The following PKHD1 variants were observed in gnomAD, a reference collection of about 807,000 sequenced individuals.
The protein encoded by PKHD1 is PKHD1 ciliary IPT domain containing fibrocystin/polyductin.
A neutral mutation model predicts 412.0 loss-of-function variants in PKHD1; 291 were observed. The ratio of observed to expected loss-of-function variants is 0.71; its 90% confidence interval spans 0.64 to 0.78. PKHD1 has a LOEUF of 0.78. PKHD1 is among the 30% of genes least tolerant of loss of function. The pLI is 0.00. For missense variants in PKHD1, 4,825 were observed against 4,950.7 expected (o/e 0.97, Z 0.76); for synonymous variants, 1,777 against 1,821.5 (o/e 0.98, Z 0.62).
rs748895723 is a variant in PKHD1, at chr6:51,856,054, C to T, written c.7750G>A (p.Val2584Ile). 5.6e-6 allele frequency: 9 copies of T among 1,601,750 alleles called. No homozygotes were observed. The highest frequency in any genetic ancestry group is 1.7e-5 in the Admixed American group (1 of 59,992). The change falls in exon 49 of 67, where the codon GTT (valine) becomes ATT (isoleucine). Residue 2584 changes from valine (V) to isoleucine (I), a missense_variant. Val to Ile is a conservative substitution (Grantham distance 29). Coordinates refer to ENST00000371117, the MANE Select transcript of PKHD1 (RefSeq NM_138694.4). ...TCAGTCATGGTTAAATCATAAGAAA[C>T]TTCAGGAGTATTCGCTCTAAGGTGA... ...MSIGLANTPEVSYDLTMTDSR... is the reference protein window; with the variant it reads ...MSIGLANTPEISYDLTMTDSR...
At chr6:51,926,058 G>C (rs1785561970) in intron 37 of PKHD1, among the ~76,000 whole-genome samples, 1 of 151,318 alleles carries the variant, frequency 6.6e-6, no homozygotes, top group African/African-American at 2.4e-5. Context: ...AAAAAAATGT[G>C]AAAAGTAAAC....
At position 51,934,208 on chromosome 6, in the gene PKHD1, C is replaced by A; in HGVS notation, c.6023G>T (p.Arg2008Ile). ...IGSEDKPFQG[R>I]AQITLYGSSY... ...ACTCCCGTAGAGTGTGATCTGAGCT[C>A]TGCCTTGGAAGGGCTTGTCTTCGGA... The change falls in exon 37 of 67, where the codon AGA (arginine) becomes ATA (isoleucine). Residue 2008 changes from arginine to isoleucine, a missense_variant. Transcript: ENST00000371117. 1.2e-6 allele frequency: 2 copies of A among 1,613,942 alleles called. No individual in the cohort carries two copies. Among genetic ancestry groups the A allele is most frequent in the Non-Finnish European group, 1.7e-6 (2 of 1,179,822 alleles).
At position 51,855,998 on chromosome 6, in the gene PKHD1, A is replaced by G. The variant is rs753996496; in HGVS notation, c.7806T>C (p.Tyr2602=). The G allele has an allele frequency of 6.2e-6, 10 of 1,609,218 alleles. No homozygotes were observed. In the East Asian group the frequency reaches 1.1e-4, roughly 18 times the overall value. Residue 2602 remains tyrosine (Y), a synonymous_variant, in exon 49 of 67, where the codon TAT becomes TAC. Coordinates refer to ENST00000371117, the MANE Select transcript of PKHD1 (RefSeq NM_138694.4). ...GAGGGTTAGACAATGTATCACGTACATAATTGACAGTGGTTGTTTTATTTC... is the reference window on the plus strand; with the variant it reads ...GAGGGTTAGACAATGTATCACGTACGTAATTGACAGTGGTTGTTTTATTTC... ...DSRNKTTTVN[Y]VRDTLSNPRG...
intron 27 of PKHD1, among the ~76,000 whole-genome samples, chr6:52,041,346 T>C (rs563570906): frequency 7.2e-5 from 11 of 152,270 alleles, no homozygotes; most frequent in South Asian, 6.2e-4. Context: ...ATTCAGAAGG[T>C]CTGGGGTGGA....
rs1785792174 is a variant in PKHD1 at position 51,749,817 on chromosome 6, T to C, written c.8951-1152A>G. ...GTACAAAAGTAGCATCTCTGCATTA[T>C]GATTCAGATAACTGCCCTATAGCTA... On this transcript the variant is annotated intron_variant, in intron 57 of 66. Transcript: ENST00000371117. Among the ~76,000 whole-genome samples, 3 of 152,212 alleles carry C rather than the reference T, an allele frequency of 2.0e-5. No individual in the cohort carries two copies. The South Asian group carries it at 6.2e-4, about 32-fold the overall frequency.
intron 53 of PKHD1, among the ~76,000 whole-genome samples, chr6:51,786,937 G>A (rs1792963353): frequency 6.6e-6 from 1 of 152,190 alleles, no homozygotes; most frequent in African/African-American, 2.4e-5. Context: ...AATTGAGTTT[G>A]GCATTTGTGA....
intron 64 of PKHD1, among the ~76,000 whole-genome samples, chr6:51,634,482 C>G (rs1394174471): frequency 6.6e-6 from 1 of 152,198 alleles, no homozygotes; most frequent in East Asian, 1.9e-4. Context: ...ATTCTTCATA[C>G]TTTTATCCAT....
chr6:51,753,784 G>A (rs1485028716), intron 56 of PKHD1, among the ~76,000 whole-genome samples: 2 of 152,144 alleles, frequency 1.3e-5, no homozygotes, highest in Admixed American at 1.3e-4. Context: ...CAGAGCAAAA[G>A]CAGCTGTGTG....
Position 51,619,300 on chromosome 6 carries a change from G to T in PKHD1, c.12006C>A (p.Gly4002=). The T allele has an allele frequency of 1.2e-6, 2 of 1,614,222 alleles. No homozygotes were observed. The highest frequency in any genetic ancestry group is 2.2e-5 in the East Asian group (1 of 44,882). ...YLQETGNWKE[G]QEQLLRYQLA... is the part of the protein sequence containing the mutation. ...GCTGGTATCTGAGCAACTGCTCTTG[G>T]CCCTCCTTCCAGTTCCCAGTCTCTT... is the stretch of plus-strand genomic sequence containing the variant. The change falls in exon 67 of 67, where the codon GGC becomes GGA. Residue 4002 remains glycine, a synonymous_variant. Transcript: ENST00000371117.
At chr6:52,077,245 T>C (rs73739191) in intron 5 of PKHD1, among the ~76,000 whole-genome samples, 1,838 of 152,312 alleles carry the variant, frequency 0.012, 39 homozygotes, top group African/African-American at 0.041. Flanking sequence ...CCATCTCACC[T>C]GTAGGCATCT....
chr6:51,775,544 T>A (rs930313082), intron 54 of PKHD1, among the ~76,000 whole-genome samples: 1 of 151,976 alleles, frequency 6.6e-6, no homozygotes, highest in Non-Finnish European at 1.5e-5. Context: ...GTCTGACTAA[T>A]CTGGATCTTA....
In PKHD1 at chr6:51,904,037, A is replaced by C; in HGVS notation, c.6814T>G (p.Cys2272Gly). Reference sequence around the variant, plus strand: ...CAGGAGATATATCTCATCTCCGTGCATGTCCCTGAGAACAAAAGACCCCAT... The same window carrying C: ...CAGGAGATATATCTCATCTCCGTGCCTGTCCCTGAGAACAAAAGACCCCAT... ...ILGHALLVGTCTEMRYISWEA... is the reference protein window; with the variant it reads ...ILGHALLVGTGTEMRYISWEA... Residue 2272 changes from cysteine to glycine, a missense_variant, in exon 42 of 67, where the codon TGC (cysteine) becomes GGC (glycine). Transcript: ENST00000371117. 1 of 1,592,478 alleles carries C rather than the reference A, an allele frequency of 6.3e-7. No homozygotes were observed. The highest frequency in any genetic ancestry group is 1.1e-5 in the South Asian group (1 of 90,692).
chr6:51,618,931 G>T lies in PKHD1; in HGVS notation c.*150C>A. On this transcript the variant is annotated 3_prime_UTR_variant, in exon 67 of 67. Transcript: ENST00000371117. ...TCAGTCTGTAAGCATTTATATGACT[G>T]TTTTCCATTTTAAAGTTGAAAAAGG... 1.3e-6 allele frequency: 1 copy of T among 758,664 alleles called. No homozygotes were observed. The highest frequency in any genetic ancestry group is 2.6e-5 in the East Asian group (1 of 39,040). The allele number at this position is 758,664 out of a possible 1,614,324, so 47.0% of individuals were successfully genotyped here. A position where few individuals can be genotyped will look rare whatever the true frequency, so the allele number is the denominator to read the frequency against.
rs1358906875 is a variant in PKHD1 at position 51,867,912 on chromosome 6, C to T, written c.7684G>A (p.Gly2562Ser). The T allele has an allele frequency of 1.9e-6, 3 of 1,613,146 alleles. No homozygotes were observed. The change falls in exon 48 of 67, where the codon GGC becomes AGC. Residue 2562 changes from glycine (G) to serine (S), a missense_variant. Coordinates refer to ENST00000371117, the MANE Select transcript of PKHD1 (RefSeq NM_138694.4). The part of the protein sequence containing the change: ...VNSSFGRVVH[G>S]SACGGGVLFH... ...AGAACACCTCCTCCACAGGCACTGC[C>T]ATGGACAACCCGACCAAAGCTTGAA...
At chr6:51,759,478 G>C (rs1420365227) in intron 55 of PKHD1, among the ~76,000 whole-genome samples, 2 of 152,002 alleles carry the variant, frequency 1.3e-5, no homozygotes, top group Non-Finnish European at 2.9e-5. Flanking sequence ...TGGTGGTATA[G>C]CTAGGAAAAG....
chr6:51,678,754 TTATAA>T (rs1776218847), intron 60 of PKHD1, among the ~76,000 whole-genome samples: 1 of 152,154 alleles, frequency 6.6e-6, no homozygotes, highest in Admixed American at 6.6e-5. Context: ...TTCATTTCTT[TTATAA>T]TATAATATTC....
chr6:51,820,942 A>T (rs1766313418), intron 52 of PKHD1, among the ~76,000 whole-genome samples: 1 of 152,212 alleles, frequency 6.6e-6, no homozygotes. Context: ...TGCATGGAAA[A>T]CAGACCATAA....
chr6:52,079,516 G>A (rs1048868070), intron 5 of PKHD1, among the ~76,000 whole-genome samples: 27 of 152,262 alleles, frequency 1.8e-4, no homozygotes, highest in African/African-American at 6.5e-4. Flanking sequence ...CCCTCTATGG[G>A]CTTCTATTTT....
chr6:51,644,534 T>G (rs1252924787), intron 63 of PKHD1, among the ~76,000 whole-genome samples: 1 of 152,184 alleles, frequency 6.6e-6, no homozygotes, highest in Non-Finnish European at 1.5e-5. Context: ...AATCATGGCC[T>G]ATTCTTGGAA....
Sources: gnomAD v4.1 joint callset for allele counts (sites outside exome capture counted in the v4.1 genomes callset) on GRCh38, gnomAD v4.1.1 for gene constraint, MANE v1.5 for transcripts, NCBI Gene and HGNC (gene_info 2026-07-23, HGNC 2026-07-21) for gene names.